The following GPR176 variants were observed in gnomAD, a reference collection of about 807,000 sequenced individuals.
GPR176 encodes the protein G protein-coupled receptor 176.
Under a neutral mutation model 35.4 loss-of-function variants are expected in GPR176, and 26 were observed. That is an observed-to-expected ratio of 0.74 (90% confidence interval 0.54 to 1.02). GPR176 has a LOEUF of 1.02. GPR176 is among the 50% of genes least tolerant of loss of function. GPR176 has a pLI of 0.00. For synonymous variants in GPR176, 278 were observed against 271.3 expected (o/e 1.02, Z -0.24); for missense variants, 597 against 665.3 (o/e 0.90, Z 1.13).
intron 1 of GPR176, among the ~76,000 whole-genome samples, chr15:39,835,779 A>G (rs773435903): frequency 6.6e-6 from 1 of 152,160 alleles, no homozygotes; most frequent in Non-Finnish European, 1.5e-5. Flanking sequence ...TTTATTCTGG[A>G]AAACAATGTG....
intron 1 of GPR176, among the ~76,000 whole-genome samples, chr15:39,903,988 A>G (rs1450497573): frequency 6.6e-6 from 1 of 152,214 alleles, no homozygotes; most frequent in African/African-American, 2.4e-5. Flanking sequence ...TCTTGATGAT[A>G]TGCTAAACAA....
intron 1 of GPR176, among the ~76,000 whole-genome samples, chr15:39,813,787 T>A (rs1899725840): frequency 2.0e-5 from 3 of 152,190 alleles, no homozygotes; most frequent in Admixed American, 2.0e-4. Context: ...TTTATATTGA[T>A]GGGTTTTATA....
chr15:39,915,022 A>C (rs1306458118), intron 1 of GPR176, among the ~76,000 whole-genome samples: 1 of 152,178 alleles, frequency 6.6e-6, no homozygotes. Context: ...TTTCCCTTCA[A>C]ATGAATACTT....
chr15:39,831,665 C>T (rs977314443), intron 1 of GPR176, among the ~76,000 whole-genome samples: 1 of 152,036 alleles, frequency 6.6e-6, no homozygotes, highest in East Asian at 1.9e-4. Context: ...CCCTAAAATC[C>T]TTCAATCTGT....
chr15:39,835,778 G>T (rs1005643598), intron 1 of GPR176, among the ~76,000 whole-genome samples: 1 of 152,092 alleles, frequency 6.6e-6, no homozygotes, highest in African/African-American at 2.4e-5. Context: ...CTTTATTCTG[G>T]AAAACAATGT....
At chr15:39,827,528 T>C (rs1900752406) in intron 1 of GPR176, among the ~76,000 whole-genome samples, 1 of 152,228 alleles carries the variant, frequency 6.6e-6, no homozygotes, top group East Asian at 1.9e-4. Flanking sequence ...TGCCCCATCT[T>C]CTTCTATCCC....
chr15:39,818,612 G>A (rs921757158), intron 1 of GPR176, among the ~76,000 whole-genome samples: 10 of 152,294 alleles, frequency 6.6e-5, no homozygotes, highest in African/African-American at 2.2e-4. Context: ...CAACAAATGC[G>A]CATATCTTTT....
At chr15:39,812,061 G>A (rs1051460639) in intron 1 of GPR176, among the ~76,000 whole-genome samples, 8 of 150,416 alleles carry the variant, frequency 5.3e-5, no homozygotes, top group Non-Finnish European at 8.9e-5. Flanking sequence ...ACTTTTTTTC[G>A]TGGTTGCCTA....
chr15:39,858,421 A>G (rs543204700), intron 1 of GPR176, among the ~76,000 whole-genome samples: 1 of 152,334 alleles, frequency 6.6e-6, no homozygotes, highest in African/African-American at 2.4e-5. Context: ...AGAAAAAAAA[A>G]ATACCATTGA....
chr15:39,897,599 A>ATTTTTTTTTTT (rs386382791), intron 1 of GPR176, among the ~76,000 whole-genome samples: 4 of 88,524 alleles, frequency 4.5e-5, no homozygotes, highest in South Asian at 4.0e-4. Flanking sequence ...ACATCCAAAT[A>ATTTTTTTTTTT]TTTTTTTTTT....
At chr15:39,903,465 T>C (rs1257479277) in intron 1 of GPR176, among the ~76,000 whole-genome samples, 1 of 152,154 alleles carries the variant, frequency 6.6e-6, no homozygotes, top group Non-Finnish European at 1.5e-5. Flanking sequence ...TATTATGTCA[T>C]GGCATTTGTG....
intron 1 of GPR176, among the ~76,000 whole-genome samples, chr15:39,880,432 G>T (rs1327209302): frequency 6.6e-6 from 1 of 152,062 alleles, no homozygotes. Flanking sequence ...TTGTTAAAAG[G>T]TCCACTCTAC....
At chr15:39,863,245 AT>A (rs1043021480) in intron 1 of GPR176, among the ~76,000 whole-genome samples, 2 of 149,690 alleles carry the variant, frequency 1.3e-5, no homozygotes, top group African/African-American at 2.4e-5. Flanking sequence ...CGCCTGGCTA[AT>A]TTTTTTTTGT....
chr15:39,841,555 A>T (rs149937284), intron 1 of GPR176, among the ~76,000 whole-genome samples: 3 of 152,258 alleles, frequency 2.0e-5, no homozygotes, highest in African/African-American at 7.2e-5. Context: ...ACAGGACTAG[A>T]GTGATGCATC....
intron 1 of GPR176, among the ~76,000 whole-genome samples, chr15:39,869,612 ATT>A (rs1008181607): frequency 1.7e-4 from 26 of 151,638 alleles, no homozygotes; most frequent in Admixed American, 4.6e-4. Context: ...ATTTCCTCAC[ATT>A]TTGTTCCCTT....
chr15:39,826,624 G>T (rs2140820110), intron 1 of GPR176, among the ~76,000 whole-genome samples: 1 of 152,324 alleles, frequency 6.6e-6, no homozygotes, highest in Non-Finnish European at 1.5e-5. Context: ...CTACATTAAT[G>T]TAACCTTTTC....
chr15:39,820,063 G>A (rs2140808428), intron 1 of GPR176, among the ~76,000 whole-genome samples: 1 of 152,260 alleles, frequency 6.6e-6, no homozygotes, highest in East Asian at 1.9e-4. Flanking sequence ...AACAGATTTG[G>A]GACACTCTCC....
At chr15:39,820,918 G>C (rs1240253719) in intron 1 of GPR176, among the ~76,000 whole-genome samples, 1 of 152,130 alleles carries the variant, frequency 6.6e-6, no homozygotes, top group African/African-American at 2.4e-5. Context: ...GCATTTCCCA[G>C]TGACTTTAAG....
In GPR176 at chr15:39,832,091, A is replaced by G. The variant is rs369224088; in HGVS notation, c.173-24833T>C. ...AGACATTTCTCCAAAGAAGACATAC[A>G]AATGGCCAATAAGCACATGAAAAGA... is the stretch of plus-strand genomic sequence containing the variant. On this transcript the variant is annotated intron_variant, in intron 1 of 2. Transcript: ENST00000561100. Among the ~76,000 whole-genome samples, 25 of 152,264 alleles carry G rather than the reference A, an allele frequency of 1.6e-4. No individual in the cohort carries two copies. In the East Asian group the frequency reaches 1.7e-3, roughly 11 times the overall value.
Sources: gnomAD v4.1 joint callset for allele counts (sites outside exome capture counted in the v4.1 genomes callset) on GRCh38, gnomAD v4.1.1 for gene constraint, MANE v1.5 for transcripts, NCBI Gene and HGNC (gene_info 2026-07-23, HGNC 2026-07-21) for gene names.